Variants in BMPER observed in about 807,000 individuals in gnomAD.
BMPER encodes BMP-binding endothelial regulator protein.
A neutral mutation model predicts 87.3 loss-of-function variants in BMPER; 45 were observed. The ratio of observed to expected loss-of-function variants is 0.52; its 90% CI spans 0.41 to 0.66. The LOEUF (loss-of-function observed/expected upper bound fraction) is 0.66, where lower values mean the gene tolerates loss of function less well. BMPER is among the 30% of genes least tolerant of loss of function. The pLI, the probability that BMPER is intolerant of heterozygous loss-of-function variation, is 0.00. For missense variants in BMPER, 784 were observed against 867.5 expected (o/e 0.90, Z 1.21); for synonymous variants, 326 against 316.2 (o/e 1.03, Z -0.33).
chr7:34,106,145 T>C (rs1789812999), intron 13 of BMPER, among the ~76,000 whole-genome samples: 1 of 152,186 alleles, frequency 6.6e-6, no homozygotes, highest in South Asian at 2.1e-4. Flanking sequence ...ACAGCTAGCC[T>C]AGAAAGGGGA....
intron 11 of BMPER, among the ~76,000 whole-genome samples, chr7:34,062,329 C>T (rs1420356324): frequency 1.3e-5 from 2 of 152,116 alleles, no homozygotes; most frequent in East Asian, 1.9e-4. Flanking sequence ...ACTTAATGTG[C>T]ATTTTAACTG....
At chr7:34,028,561 A>G (rs1787422186) in intron 6 of BMPER, among the ~76,000 whole-genome samples, 1 of 140,776 alleles carries the variant, frequency 7.1e-6, no homozygotes. Context: ...TCAACTAAGA[A>G]TTCATATCTA....
intron 13 of BMPER, among the ~76,000 whole-genome samples, chr7:34,100,828 A>G (rs937515616): frequency 6.6e-6 from 1 of 152,078 alleles, no homozygotes; most frequent in Non-Finnish European, 1.5e-5. Context: ...GGTGAGGAGG[A>G]TACACTTGCT....
At chr7:34,042,275 C>G (rs955342945) in intron 6 of BMPER, among the ~76,000 whole-genome samples, 1 of 152,058 alleles carries the variant, frequency 6.6e-6, no homozygotes, top group Admixed American at 6.5e-5. Context: ...GACCATCTCT[C>G]TAAAGAATAA....
At chr7:34,082,723 C>T (rs1418369388) in intron 12 of BMPER, among the ~76,000 whole-genome samples, 2 of 152,188 alleles carry the variant, frequency 1.3e-5, no homozygotes, top group African/African-American at 4.8e-5. Flanking sequence ...GTTGAATTCC[C>T]ATGAACTCAG....
chr7:33,951,369 C>G (rs1204157376), intron 3 of BMPER, among the ~76,000 whole-genome samples: 1 of 152,062 alleles, frequency 6.6e-6, no homozygotes, highest in East Asian at 1.9e-4. Flanking sequence ...TTCTGTTTCT[C>G]TCAATGTTTT....
intron 6 of BMPER, among the ~76,000 whole-genome samples, chr7:33,989,065 G>A (rs1180399022): frequency 2.3e-5 from 3 of 132,476 alleles, no homozygotes; most frequent in Admixed American, 8.0e-5. Context: ...GAATAATGCC[G>A]CAATAAACAT....
chr7:34,086,210 G>C, intron 13 of BMPER, 118 bp downstream of exon 13: 1 of 1,146,290 alleles, frequency 8.7e-7, no homozygotes, highest in Non-Finnish European at 1.3e-6. Context: ...CCCAGGGTAG[G>C]CATCTTCTTG....
chr7:33,974,686 C>T lies in BMPER; in HGVS notation c.494-16C>T, dbSNP rs1405615944. 6.2e-6 allele frequency: 10 copies of T among 1,613,066 alleles called. No individual in the cohort carries two copies. The highest frequency in any genetic ancestry group is 3.3e-4 in the Middle Eastern group (2 of 6,060). On this transcript the variant is annotated splice_polypyrimidine_tract_variant and intron_variant, in intron 5 of 14. Coordinates refer to ENST00000649409, the MANE Select transcript of BMPER (RefSeq NM_001365308.1). ...ATGGCTGTTGCCCTAATTCTAAACT[C>T]TTGTCTGCTTTCCAGGCTGTGTGTT...
intron 6 of BMPER, among the ~76,000 whole-genome samples, chr7:33,986,599 G>A (rs960000252): frequency 2.0e-5 from 3 of 152,112 alleles, no homozygotes; most frequent in Non-Finnish European, 1.5e-5. Flanking sequence ...TAGAGGAAGA[G>A]GCTCCAACCA....
At position 33,942,906 on chromosome 7, in the gene BMPER, A is replaced by T. The variant is rs7779875; in HGVS notation, c.319+5518A>T. On this transcript the variant is annotated intron_variant, in intron 3 of 14. Coordinates refer to ENST00000649409, the MANE Select transcript of BMPER (RefSeq NM_001365308.1). Reference sequence around the variant, plus strand: ...AAGTGCTGGGGAATGCTTATTGGAAATCTATTCCAGTTATTCGATTGTGTA... The same window carrying T: ...AAGTGCTGGGGAATGCTTATTGGAATTCTATTCCAGTTATTCGATTGTGTA... Among the ~76,000 whole-genome samples, 110 of 151,984 alleles carry T rather than the reference A, an allele frequency of 7.2e-4. 1 individual carries two copies. The highest frequency in any genetic ancestry group is 1.4e-3 in the Non-Finnish European group (98 of 67,992).
At chr7:34,011,058 A>T (rs1585734616) in intron 6 of BMPER, among the ~76,000 whole-genome samples, 1 of 151,886 alleles carries the variant, frequency 6.6e-6, no homozygotes, top group African/African-American at 2.4e-5. Context: ...TTTTGGGCAT[A>T]TATGGTGTTT....
At chr7:34,111,201 T>C (rs944522580) in intron 13 of BMPER, among the ~76,000 whole-genome samples, 6 of 152,256 alleles carry the variant, frequency 3.9e-5, no homozygotes, top group African/African-American at 1.4e-4. Context: ...TGCTGTTTCA[T>C]AGAATTTCAA....
intron 2 of BMPER, among the ~76,000 whole-genome samples, chr7:33,923,278 C>T (rs191047012): frequency 1.3e-5 from 2 of 152,132 alleles, no homozygotes; most frequent in South Asian, 2.1e-4. Flanking sequence ...TTTCCCTTTC[C>T]CTTTCTTTCT....
intron 13 of BMPER, among the ~76,000 whole-genome samples, chr7:34,106,891 C>A (rs956408566): frequency 1.3e-5 from 2 of 152,154 alleles, no homozygotes; most frequent in African/African-American, 4.8e-5. Flanking sequence ...TTTTACCTTT[C>A]CAAATCCTAC....
At chr7:33,994,868 C>T (rs1340567795) in intron 6 of BMPER, among the ~76,000 whole-genome samples, 1 of 152,098 alleles carries the variant, frequency 6.6e-6, no homozygotes, top group Non-Finnish European at 1.5e-5. Context: ...AAAATAAGGA[C>T]TTGTTAGAAT....
intron 3 of BMPER, among the ~76,000 whole-genome samples, chr7:33,961,650 C>T (rs1018220442): frequency 6.6e-6 from 1 of 152,178 alleles, no homozygotes; most frequent in African/African-American, 2.4e-5. Context: ...CCGGTCAGCC[C>T]TCCACAAAGA....
intron 6 of BMPER, chr7:34,043,116 T>C (rs1448859417): frequency 6.6e-6 from 1 of 152,176 alleles, no homozygotes; most frequent in East Asian, 1.9e-4. Context: ...AACTCTCTCT[T>C]TATGCTGGAG....
intron 3 of BMPER, among the ~76,000 whole-genome samples, chr7:33,949,274 G>C (rs1784963211): frequency 6.6e-6 from 1 of 152,092 alleles, no homozygotes; most frequent in African/African-American, 2.4e-5. Context: ...ATCTTAAATA[G>C]GTCATGCAAT....
Sources: allele counts gnomAD v4.1 joint callset (sites outside exome capture counted in the v4.1 genomes callset), GRCh38; gene constraint gnomAD v4.1.1; transcripts MANE v1.5; gene names NCBI Gene and HGNC (gene_info 2026-07-23, HGNC 2026-07-21).